Variants in PRPSAP2 observed in about 807,000 individuals in gnomAD.
PRPSAP2 encodes the protein phosphoribosyl pyrophosphate synthase-associated protein 2.
PRPSAP2 carries 24 observed loss-of-function variants against 40.6 expected under a neutral mutation model. That is an observed-to-expected ratio of 0.59 (90% CI 0.43 to 0.83). PRPSAP2 has a LOEUF of 0.83. Ranked by LOEUF, PRPSAP2 falls within the 40% of genes least tolerant of loss-of-function variation. The probability of loss-of-function intolerance (pLI) is 0.00; values close to 1 mark genes in which losing one functional copy is unlikely to be tolerated. For missense variants in PRPSAP2, 292 were observed against 465.6 expected, an observed-to-expected ratio of 0.63 and a Z score of 3.43; for synonymous variants, 149 against 164.7, an observed-to-expected ratio of 0.90 and a Z score of 0.73.
At chr17:18,928,985 C>T (rs769590983) in intron 11 of PRPSAP2, 28 bp downstream of exon 11, 2 of 1,598,362 alleles carry the variant, frequency 1.3e-6, no homozygotes, top group East Asian at 2.2e-5. Flanking sequence ...TGTGTGGGTA[C>T]AGCTGCCTGG....
At chr17:18,920,886 A>C (rs2151967585) in intron 9 of PRPSAP2, among the ~76,000 whole-genome samples, 1 of 152,290 alleles carries the variant, frequency 6.6e-6, no homozygotes, top group South Asian at 2.1e-4. Flanking sequence ...TATTTTCATA[A>C]AGCTGCGATG....
intron 8 of PRPSAP2, among the ~76,000 whole-genome samples, chr17:18,905,488 C>A (rs756458714): frequency 6.6e-6 from 1 of 152,128 alleles, no homozygotes; most frequent in Non-Finnish European, 1.5e-5. Context: ...CAAAGCCAAT[C>A]TTGAATTTCA....
chr17:18,914,851 A>C (rs1196039358), intron 9 of PRPSAP2, among the ~76,000 whole-genome samples: 1 of 151,420 alleles, frequency 6.6e-6, no homozygotes, highest in Non-Finnish European at 1.5e-5. Flanking sequence ...CGGCCTCCTG[A>C]GTAGCTAGCA....
At chr17:18,900,291 G>A (rs1355928888) in intron 8 of PRPSAP2, among the ~76,000 whole-genome samples, 1 of 152,228 alleles carries the variant, frequency 6.6e-6, no homozygotes, top group Non-Finnish European at 1.5e-5. Context: ...CAAAGTACTG[G>A]AATTACAGTC....
intron 8 of PRPSAP2, among the ~76,000 whole-genome samples, chr17:18,899,387 C>T (rs1474903770): frequency 6.6e-6 from 1 of 152,026 alleles, no homozygotes; most frequent in Non-Finnish European, 1.5e-5. Flanking sequence ...TGCCCTGCCA[C>T]AGCCATTGTT....
intron 8 of PRPSAP2, among the ~76,000 whole-genome samples, chr17:18,893,120 A>C (rs1238930603): frequency 3.3e-5 from 5 of 151,770 alleles, no homozygotes. Flanking sequence ...CTTTCACACA[A>C]AAAGGTTTCA....
At chr17:18,927,413 C>T (rs554106179) in intron 10 of PRPSAP2, among the ~76,000 whole-genome samples, 3 of 152,248 alleles carry the variant, frequency 2.0e-5, no homozygotes, top group Middle Eastern at 3.4e-3. Flanking sequence ...TGGTATATAA[C>T]CTTTTGAGTT....
At chr17:18,890,686 C>T (rs1342481725) in intron 8 of PRPSAP2, among the ~76,000 whole-genome samples, 2 of 152,204 alleles carry the variant, frequency 1.3e-5, no homozygotes, top group African/African-American at 4.8e-5. Flanking sequence ...CCCAGATTGA[C>T]AATCACATGT....
chr17:18,908,596 A>G, intron 8 of PRPSAP2: 1 of 726,640 alleles, frequency 1.4e-6, no homozygotes. Flanking sequence ...AATGGAGCTG[A>G]AGCCCAACAT....
intron 8 of PRPSAP2, chr17:18,905,152 T>C (rs2040504648): frequency 6.6e-6 from 1 of 152,100 alleles, no homozygotes; most frequent in African/African-American, 2.4e-5. Context: ...GCCTCCCGAT[T>C]AGCTGAGATT....
chr17:18,918,908 A>G (rs954029064), intron 9 of PRPSAP2, among the ~76,000 whole-genome samples: 1 of 152,200 alleles, frequency 6.6e-6, no homozygotes, highest in Non-Finnish European at 1.5e-5. Flanking sequence ...CAAATCAAAC[A>G]TGTTATTAAA....
chr17:18,865,652 TTC>T (rs1484059999), intron 2 of PRPSAP2, 88 bp downstream of exon 2: 5 of 347,816 alleles, frequency 1.4e-5, no homozygotes, highest in Non-Finnish European at 2.3e-5. Context: ...CAACTGAACT[TTC>T]TGTTTGTCCA....
chr17:18,894,732 C>T (rs898063966), intron 8 of PRPSAP2, among the ~76,000 whole-genome samples: 3 of 152,268 alleles, frequency 2.0e-5, no homozygotes, highest in East Asian at 1.9e-4. Flanking sequence ...ATCCACCCAC[C>T]TCAGTCTCCC....
At chr17:18,930,472 A>G in intron 11 of PRPSAP2, 68 bp from the exon 12 acceptor site, 1 of 1,490,092 alleles carries the variant, frequency 6.7e-7, no homozygotes, top group South Asian at 1.3e-5. Flanking sequence ...AAGCTGTCAC[A>G]TTTCCAGATC....
intron 10 of PRPSAP2, among the ~76,000 whole-genome samples, chr17:18,926,857 A>C (rs553502285): frequency 1.3e-5 from 2 of 152,234 alleles, no homozygotes; most frequent in East Asian, 1.9e-4. Context: ...CCACCACCAC[A>C]GTCAGGACAC....
chr17:18,907,207 G>A (rs1357114900), intron 8 of PRPSAP2, among the ~76,000 whole-genome samples: 1 of 152,016 alleles, frequency 6.6e-6, no homozygotes, highest in Non-Finnish European at 1.5e-5. Context: ...TAGGTGCTGA[G>A]GATGGAAAAA....
At chr17:18,879,351 C>T (rs1051987812) in intron 6 of PRPSAP2, among the ~76,000 whole-genome samples, 3 of 152,142 alleles carry the variant, frequency 2.0e-5, no homozygotes, top group African/African-American at 7.2e-5. Context: ...ATGACGTGAT[C>T]TTGGCTCACT....
rs1361961104 is a variant in PRPSAP2, at chr17:18,877,873, A to G, written c.412+3A>G. On this transcript the variant is annotated splice_donor_region_variant and intron_variant, in intron 6 of 11. Coordinates refer to ENST00000268835, the MANE Select transcript of PRPSAP2 (RefSeq NM_002767.4). ...GGCTTCCATGATGTGCAAAGCTGGT[A>G]AGAATGGCAGATGTTTCACAATTAA... The G allele has an allele frequency of 6.3e-7, 1 of 1,588,536 alleles. No homozygotes were observed. Among genetic ancestry groups the G allele is most frequent in the Admixed American group, 1.9e-5 (1 of 53,196 alleles).
intron 4 of PRPSAP2, among the ~76,000 whole-genome samples, chr17:18,869,865 T>TGTGTGTGTGTGTGTGTGTGTGTGA (rs745428673): frequency 6.8e-6 from 1 of 147,772 alleles, no homozygotes; most frequent in Non-Finnish European, 1.5e-5. Flanking sequence ...TGTGTGTGTG[T>TGTGTGTGTGTGTGTGTGTGTGTGA]GAGACAGAGT....
Sources: allele counts gnomAD v4.1 joint callset (sites outside exome capture counted in the v4.1 genomes callset), GRCh38; gene constraint gnomAD v4.1.1; transcripts MANE v1.5; gene names NCBI Gene and HGNC (gene_info 2026-07-23, HGNC 2026-07-21).